Variants in NKD1 observed in about 807,000 individuals in gnomAD.
NKD1 encodes the protein NKD inhibitor of Wnt signaling pathway 1, also known as protein naked cuticle homolog 1.
NKD1 carries 21 observed loss-of-function variants against 56.0 expected under a neutral mutation model. That is an observed-to-expected ratio of 0.38 (90% CI 0.27 to 0.54). The LOEUF (loss-of-function observed/expected upper bound fraction) is 0.54, where lower values mean the gene tolerates loss of function less well. NKD1 is among the 20% of genes least tolerant of loss of function. NKD1 has a pLI of 0.82. For synonymous variants in NKD1, 263 were observed against 265.7 expected (o/e 0.99, Z 0.10); for missense variants, 578 against 642.7 (o/e 0.90, Z 1.09).
Position 50,636,704 on chromosome 16 carries a change from A to G in NKD1, c.*2923A>G, listed in dbSNP as rs1192406905. The G allele has an allele frequency of 2.0e-5, 3 of 152,230 alleles. No homozygotes were observed. The highest frequency in any genetic ancestry group is 4.4e-5 in the Non-Finnish European group (3 of 68,038). 9.4% of individuals were successfully genotyped at this position (152,230 alleles called of 1,614,324 possible). ...ACTATGAAAGTGTTAGCTGTTCTTT[A>G]CCAGAATAAATGCATTTCTATATCT... On this transcript the variant is annotated 3_prime_UTR_variant, in exon 10 of 10. Transcript: ENST00000268459.
chr16:50,630,863 C>T lies in NKD1; in HGVS notation c.648C>T (p.Pro216=). ...CAAGGCCCCGAGCAGAGACCAAGCC[C>T]ACTGAGGACCTGCGGAGCTGGGAGA... ...QSARPRAETK[P]TEDLRSWEKK... Residue 216 remains proline (P), a synonymous_variant, in exon 8 of 10, where the codon CCC becomes CCT. Transcript: ENST00000268459. The T allele has an allele frequency of 6.2e-7, 1 of 1,607,058 alleles. No homozygotes were observed. The highest frequency in any genetic ancestry group is 1.1e-5 in the South Asian group (1 of 89,070).
chr16:50,549,897 G>A (rs1400774847), intron 3 of NKD1, among the ~76,000 whole-genome samples: 1 of 152,158 alleles, frequency 6.6e-6, no homozygotes, highest in Non-Finnish European at 1.5e-5. Flanking sequence ...GGTGGAGGTG[G>A]AGTAGGGGCT....
rs74017732 is a variant in NKD1 at position 50,590,358 on chromosome 16, A to G, written c.193-17936A>G. On this transcript the variant is annotated intron_variant, in intron 3 of 9. Coordinates refer to ENST00000268459, the MANE Select transcript of NKD1 (RefSeq NM_033119.5). ...GATGGAGGAAGAAAAAAATCCCCAC[A>G]TGTGTTCACACCCTCCTATATGTTA... Among the ~76,000 whole-genome samples, 1,197 of 152,274 alleles carry G rather than the reference A, an allele frequency of 7.9e-3. 12 individuals carry two copies. The highest frequency in any genetic ancestry group is 0.027 in the African/African-American group (1,135 of 41,538).
At chr16:50,621,758 C>T in intron 5 of NKD1, 50 bp downstream of exon 5, 1 of 1,394,782 alleles carries the variant, frequency 7.2e-7, no homozygotes, top group Non-Finnish European at 1.0e-6. Flanking sequence ...TGGGTTTTCT[C>T]AGCTTGGGGC....
chr16:50,559,311 G>C (rs981639237), intron 3 of NKD1, among the ~76,000 whole-genome samples: 1 of 152,230 alleles, frequency 6.6e-6, no homozygotes, highest in Admixed American at 6.5e-5. Context: ...TGAAGGAAAA[G>C]GATGGGGAAG....
chr16:50,560,386 C>T (rs1364310805), intron 3 of NKD1, among the ~76,000 whole-genome samples: 1 of 152,220 alleles, frequency 6.6e-6, no homozygotes, highest in Non-Finnish European at 1.5e-5. Flanking sequence ...CTGCTGCTTG[C>T]TGCGTGTCTG....
At chr16:50,570,912 C>T (rs540809555) in intron 3 of NKD1, 4 of 985,404 alleles carry the variant, frequency 4.1e-6, no homozygotes, top group South Asian at 9.4e-5. Context: ...TAGCCCCCAC[C>T]CCAGCCATAG....
intron 3 of NKD1, among the ~76,000 whole-genome samples, chr16:50,567,346 T>C (rs1239123887): frequency 2.0e-5 from 3 of 152,200 alleles, no homozygotes; most frequent in Non-Finnish European, 4.4e-5. Flanking sequence ...CTCCATTTCT[T>C]TGGGGCCGAA....
rs1301701979 is a variant in NKD1 at position 50,637,564 on chromosome 16, T to A, written c.*3783T>A. 6.6e-6 allele frequency: 1 copy of A among 151,402 alleles called. No homozygotes were observed. The highest frequency in any genetic ancestry group is 6.6e-5 in the Admixed American group (1 of 15,220). 9.4% of individuals were successfully genotyped at this position (151,402 alleles called of 1,614,324 possible). A position where few individuals can be genotyped will look rare whatever the true frequency, so the allele number is the denominator to read the frequency against. ...GCCTGGGCGACAGAGTGAGACTCCA[T>A]CTCAAATAAATAAAGAGGTTATACT... On this transcript the variant is annotated 3_prime_UTR_variant, in exon 10 of 10. Transcript: ENST00000268459.
rs1160886400 is a variant in NKD1, at chr16:50,573,912, T to C, written c.192+24357T>C. The C allele has an allele frequency of 4.1e-6, 4 of 985,330 alleles. No homozygotes were observed. In the African/African-American group the frequency reaches 7.0e-5, roughly 17 times the overall value. 61.0% of individuals were successfully genotyped at this position (985,330 alleles called of 1,614,324 possible). On this transcript the variant is annotated intron_variant, in intron 3 of 9. Transcript: ENST00000268459. ...GCTGGCACAAACAACAGCTGTTGAC[T>C]ATATATGTCTGGGGTGCAGCCCAGC... is the stretch of plus-strand genomic sequence containing the variant.
intron 3 of NKD1, among the ~76,000 whole-genome samples, chr16:50,592,070 C>G (rs990542828): frequency 1.3e-5 from 2 of 152,212 alleles, no homozygotes; most frequent in African/African-American, 4.8e-5. Context: ...AGTGACTTGG[C>G]TGCCGCTGAG....
intron 3 of NKD1, among the ~76,000 whole-genome samples, chr16:50,585,741 G>A (rs1476021358): frequency 6.6e-6 from 1 of 152,226 alleles, no homozygotes; most frequent in Non-Finnish European, 1.5e-5. Context: ...CTGTGGTCTT[G>A]TTTCCATTGG....
At chr16:50,597,770 G>A (rs1424637495) in intron 3 of NKD1, among the ~76,000 whole-genome samples, 1 of 152,192 alleles carries the variant, frequency 6.6e-6, no homozygotes. Context: ...TGCGTGGCAG[G>A]CGGGTGGGAT....
chr16:50,548,486 A>C lies in NKD1; in HGVS notation c.-68A>C, dbSNP rs1268913293. 8.5e-6 allele frequency: 10 copies of C among 1,176,220 alleles called. No homozygotes were observed. The highest frequency in any genetic ancestry group is 1.1e-5 in the Non-Finnish European group (10 of 919,726). The allele number at this position is 1,176,220 out of a possible 1,614,324, so 72.9% of individuals were successfully genotyped here. ...GGGCTGCTTCGGGAGGAGGAGAGCC[A>C]AGGGAGGCGCCAGGCCCGCGGGCCG... On this transcript the variant is annotated 5_prime_UTR_variant, in exon 1 of 10. Transcript: ENST00000268459.
intron 3 of NKD1, 52 bp from the exon 4 acceptor site, chr16:50,608,242 G>T: frequency 7.8e-7 from 1 of 1,286,318 alleles, no homozygotes; most frequent in Non-Finnish European, 1.1e-6. Context: ...TAACGTCCCA[G>T]CACTGGGCTC....
chr16:50,548,697 G>A lies in NKD1; in HGVS notation c.26-20G>A, dbSNP rs1359282633. ...CGCCGCGGCTGCCGCCGCCGCCGCC[G>A]CCTCGCGATGTGCCTGCAGCCGCCG... On this transcript the variant is annotated intron_variant, in intron 1 of 9. Coordinates refer to ENST00000268459, the MANE Select transcript of NKD1 (RefSeq NM_033119.5). 1 of 1,463,538 alleles carries A rather than the reference G, an allele frequency of 6.8e-7. No individual in the cohort carries two copies. The highest frequency in any genetic ancestry group is 9.0e-7 in the Non-Finnish European group (1 of 1,115,782). The allele number at this position is 1,463,538 out of a possible 1,614,324, so 90.7% of individuals were successfully genotyped here.
chr16:50,569,229 T>C (rs1409385531), intron 3 of NKD1, among the ~76,000 whole-genome samples: 1 of 152,234 alleles, frequency 6.6e-6, no homozygotes, highest in African/African-American at 2.4e-5. Context: ...ACTATCCTCA[T>C]ACCATGCGCT....
intron 3 of NKD1, among the ~76,000 whole-genome samples, chr16:50,590,532 A>C (rs553203537): frequency 6.6e-6 from 1 of 152,350 alleles, no homozygotes; most frequent in South Asian, 2.1e-4. Flanking sequence ...TGGTGCTTCT[A>C]AGGAACTAGG....
intron 3 of NKD1, among the ~76,000 whole-genome samples, chr16:50,571,806 T>C (rs989258207): frequency 1.3e-5 from 2 of 152,116 alleles, no homozygotes; most frequent in Non-Finnish European, 1.5e-5. Flanking sequence ...CAGAACCCAA[T>C]GAGATCCACT....
Sources: allele counts gnomAD v4.1 joint callset (sites outside exome capture counted in the v4.1 genomes callset), GRCh38; gene constraint gnomAD v4.1.1; transcripts MANE v1.5; gene names NCBI Gene and HGNC (gene_info 2026-07-23, HGNC 2026-07-21).